Variants in MPHOSPH8 observed in about 807,000 individuals in gnomAD.
The protein encoded by MPHOSPH8 is M-phase phosphoprotein 8.
In MPHOSPH8, 45 loss-of-function variants were observed where a neutral mutation model predicts 87.3. The observed-to-expected ratio is 0.52, with a 90% CI of 0.41 to 0.66. The LOEUF (loss-of-function observed/expected upper bound fraction) is 0.66, where lower values mean the gene tolerates loss of function less well. Among genes scored for constraint, MPHOSPH8 ranks in the 30% least tolerant of loss-of-function variants. MPHOSPH8 has a pLI of 0.00. For missense variants in MPHOSPH8, 883 were observed against 1,020.2 expected, an observed-to-expected ratio of 0.87 and a Z score of 1.83; for synonymous variants, 366 against 376.9, an observed-to-expected ratio of 0.97 and a Z score of 0.33.
chr13:19,654,734 A>AG (rs1875055308), intron 5 of MPHOSPH8, among the ~76,000 whole-genome samples: 2 of 152,158 alleles, frequency 1.3e-5, no homozygotes, highest in African/African-American at 2.4e-5. Flanking sequence ...GAATCACCTG[A>AG]GGTCGGGAGT....
rs141465504 is a variant in MPHOSPH8 at position 19,651,333 on chromosome 13, C to T, written c.1576+1073C>T. On this transcript the variant is annotated intron_variant, in intron 5 of 13. Transcript: ENST00000361479. Reference sequence around the variant, plus strand: ...CCTGAGCTCAGGAGTTGGAGACCAGCCTGGGCGACACAGTGAAACCCCATC... The same window carrying T: ...CCTGAGCTCAGGAGTTGGAGACCAGTCTGGGCGACACAGTGAAACCCCATC... 2.5e-3 allele frequency among the ~76,000 whole-genome samples: 387 copies of T among 152,058 alleles called. 1 individual carries two copies. Among genetic ancestry groups the T allele is most frequent in the African/African-American group, 8.7e-3 (360 of 41,472 alleles).
At chr13:19,651,272 G>A (rs1163991254) in intron 5 of MPHOSPH8, among the ~76,000 whole-genome samples, 1 of 152,204 alleles carries the variant, frequency 6.6e-6, no homozygotes, top group African/African-American at 2.4e-5. Flanking sequence ...GTGGCCTGTA[G>A]TCCCAGCACT....
intron 5 of MPHOSPH8, among the ~76,000 whole-genome samples, chr13:19,654,174 C>T (rs560604347): frequency 6.2e-4 from 95 of 152,278 alleles, no homozygotes; most frequent in African/African-American, 1.3e-3. Flanking sequence ...GGGTTACCCA[C>T]AAAGGGAAGC....
chr13:19,661,944 G>GC (rs1409384544), intron 8 of MPHOSPH8, 106 bp downstream of exon 8: 1 of 1,246,210 alleles, frequency 8.0e-7, no homozygotes, highest in Non-Finnish European at 1.0e-6. Flanking sequence ...TGGTCACATC[G>GC]CTTTTTTTTT....
intron 5 of MPHOSPH8, among the ~76,000 whole-genome samples, chr13:19,656,180 A>G (rs1875154579): frequency 6.7e-6 from 1 of 150,152 alleles, no homozygotes; most frequent in South Asian, 2.1e-4. Context: ...TCAGGAAGCT[A>G]AGGTAGGAGG....
chr13:19,671,416 T>A, intron 13 of MPHOSPH8, 127 bp downstream of exon 13: 1 of 740,128 alleles, frequency 1.4e-6, no homozygotes, highest in Non-Finnish European at 2.3e-6. Flanking sequence ...CTCCCTGGGG[T>A]AGTGATGCTA....
At chr13:19,653,309 AGCAAACCTGCAGCAGAGGT>A (rs1874962858) in intron 5 of MPHOSPH8, among the ~76,000 whole-genome samples, 1 of 152,174 alleles carries the variant, frequency 6.6e-6, no homozygotes, top group Non-Finnish European at 1.5e-5. Flanking sequence ...GTGAGCCTCC[AGCAAACCTGCAGCAGAGGT>A]GCCTGTTAGA....
chr13:19,653,393 A>G lies in MPHOSPH8; in HGVS notation c.1576+3133A>G, dbSNP rs189813826. Reference sequence around the variant, plus strand: ...ATCAACATTAACAAAAAGGATGTCCACTCACACCCCATCTGAAAGTCACCA... The same window carrying G: ...ATCAACATTAACAAAAAGGATGTCCGCTCACACCCCATCTGAAAGTCACCA... On this transcript the variant is annotated intron_variant, in intron 5 of 13. Transcript: ENST00000361479. Among the ~76,000 whole-genome samples, 236 of 152,320 alleles carry G rather than the reference A, an allele frequency of 1.5e-3. 1 individual carries two copies. The highest frequency in any genetic ancestry group is 2.7e-3 in the Admixed American group (41 of 15,304).
At chr13:19,668,581 A>G (rs748779356) in intron 11 of MPHOSPH8, 50 bp downstream of exon 11, 19 of 1,524,960 alleles carry the variant, frequency 1.2e-5, no homozygotes, top group Non-Finnish European at 8.9e-7. Flanking sequence ...GTGACACTAT[A>G]TTAACAGATT....
chr13:19,662,699 ATAATT>A lies in MPHOSPH8; in HGVS notation c.1933-334_1933-330del, dbSNP rs147760150. On this transcript the variant is annotated intron_variant, in intron 8 of 13. Coordinates refer to ENST00000361479, the MANE Select transcript of MPHOSPH8 (RefSeq NM_017520.4). ...TAAAGTACTAATATTTTAATCTTAG[ATAATT>A]TAATTTTTTTGAATAAATGGTATTT... is the stretch of plus-strand genomic sequence containing the variant. 4.1e-3 allele frequency among the ~76,000 whole-genome samples: 625 copies of A among 152,388 alleles called. 7 individuals are homozygous for A. The highest frequency in any genetic ancestry group is 0.014 in the African/African-American group (584 of 41,596).
rs1365132146 is a variant in MPHOSPH8, at chr13:19,663,145, T to C, written c.2019+19T>C. The C allele has an allele frequency of 6.3e-7, 1 of 1,596,388 alleles. No individual in the cohort carries two copies. Among genetic ancestry groups the C allele is most frequent in the East Asian group, 2.2e-5 (1 of 44,790 alleles). On this transcript the variant is annotated intron_variant, in intron 9 of 13. Coordinates refer to ENST00000361479, the MANE Select transcript of MPHOSPH8 (RefSeq NM_017520.4). ...GATGAAGGTAAATCCCTCCTGCAGG[T>C]CATCCCTTTCTTCACTACGTTGGCA... is the stretch of plus-strand genomic sequence containing the variant.
chr13:19,671,343 T>A, intron 13 of MPHOSPH8, 54 bp downstream of exon 13: 1 of 1,509,074 alleles, frequency 6.6e-7, no homozygotes, highest in Non-Finnish European at 9.2e-7. Flanking sequence ...TGCTCCAGAT[T>A]ACTTTATCAA....
At chr13:19,650,696 C>CA (rs1874796495) in intron 5 of MPHOSPH8, among the ~76,000 whole-genome samples, 2 of 152,202 alleles carry the variant, frequency 1.3e-5, no homozygotes, top group Admixed American at 1.3e-4. Context: ...AAGAAGAATA[C>CA]AGACTACAGT....
At chr13:19,643,104 T>A (rs1263322313) in intron 2 of MPHOSPH8, among the ~76,000 whole-genome samples, 1 of 152,254 alleles carries the variant, frequency 6.6e-6, no homozygotes, top group Non-Finnish European at 1.5e-5. Flanking sequence ...TTTTTAGCTT[T>A]TTTTTCTTTT....
rs1876222481 is a variant in MPHOSPH8, at chr13:19,673,002, GCCGTGAA to G, written c.*1128_*1134del. 2.3e-6 allele frequency: 1 copy of G among 428,426 alleles called. No homozygotes were observed. Among genetic ancestry groups the G allele is most frequent in the Non-Finnish European group, 4.6e-6 (1 of 219,368 alleles). 26.5% of individuals were successfully genotyped at this position (428,426 alleles called of 1,614,324 possible). A position where few individuals can be genotyped will look rare whatever the true frequency, so the allele number is the denominator to read the frequency against. ...GCCAGGGAGGTCAAGGCTGCAGTGAGCCGTGAAAGGCCACTGCACTCCAGCCTGAGTG... is the reference window on the plus strand; with the variant it reads ...GCCAGGGAGGTCAAGGCTGCAGTGAGAGGCCACTGCACTCCAGCCTGAGTG... On this transcript the variant is annotated 3_prime_UTR_variant, in exon 14 of 14. Transcript: ENST00000361479.
At position 19,670,295 on chromosome 13, in the gene MPHOSPH8, C is replaced by T. The variant is rs887013916; in HGVS notation, c.2389C>T (p.Arg797Trp). 9 of 1,613,950 alleles carry T rather than the reference C, an allele frequency of 5.6e-6. No homozygotes were observed. The highest frequency in any genetic ancestry group is 1.3e-5 in the African/African-American group (1 of 74,910). The change falls in exon 12 of 14, where the codon CGG becomes TGG. Residue 797 changes from arginine to tryptophan, a missense_variant. By Grantham distance (101) the Arg-to-Trp change is moderately radical. Transcript: ENST00000361479. ...CTTTTTGGGTAAAGAAGTTATTGCT[C>T]GGCTCTGTGGACCGTGTAGTGTACA... ...ANFLGKEVIA[R>W]LCGPCSVQAV...
intron 11 of MPHOSPH8, among the ~76,000 whole-genome samples, chr13:19,669,700 G>A (rs1285410029): frequency 6.6e-6 from 1 of 151,534 alleles, no homozygotes; most frequent in Non-Finnish European, 1.5e-5. Flanking sequence ...GTAGAGATGG[G>A]GGTTTCACCA....
At chr13:19,649,198 AATCTT>A (rs1172560417) in intron 4 of MPHOSPH8, among the ~76,000 whole-genome samples, 1 of 152,158 alleles carries the variant, frequency 6.6e-6, no homozygotes, top group Non-Finnish European at 1.5e-5. Context: ...GCAAAACAAA[AATCTT>A]AAATGCCTTC....
rs1246444419 is a variant in MPHOSPH8 at position 19,633,729 on chromosome 13, C to T, written c.-20C>T. 3.2e-6 allele frequency: 5 copies of T among 1,571,114 alleles called. No homozygotes were observed. The highest frequency in any genetic ancestry group is 3.5e-6 in the Non-Finnish European group (4 of 1,158,298). On this transcript the variant is annotated 5_prime_UTR_variant, in exon 1 of 14. Coordinates refer to ENST00000361479, the MANE Select transcript of MPHOSPH8 (RefSeq NM_017520.4). ...GTTTGTCGCAGCGGGTTTTCCTCGG[C>T]GGTTTGCGGAGCTGCTAGGATGGAG...
Sources: gnomAD v4.1 joint callset for allele counts (sites outside exome capture counted in the v4.1 genomes callset) on GRCh38, gnomAD v4.1.1 for gene constraint, MANE v1.5 for transcripts, NCBI Gene and HGNC (gene_info 2026-07-23, HGNC 2026-07-21) for gene names.